Variants in NAALADL2 observed in about 807,000 individuals in gnomAD.
The protein encoded by NAALADL2 is N-acetylated alpha-linked acidic dipeptidase like 2.
Under a neutral mutation model 87.2 loss-of-function variants are expected in NAALADL2, and 76 were observed. That is an observed-to-expected ratio of 0.87 (90% CI 0.72 to 1.05). The LOEUF is 1.05. NAALADL2 is among the 50% of genes least tolerant of loss of function. NAALADL2 has a pLI of 0.00. For synonymous variants in NAALADL2, 354 were observed against 331.0 expected, an observed-to-expected ratio of 1.07 and a Z score of -0.75; for missense variants, 1,089 against 945.8, an observed-to-expected ratio of 1.15 and a Z score of -1.99.
At chr3:175,656,054 G>T (rs538169256) in intron 11 of NAALADL2, among the ~76,000 whole-genome samples, 2 of 152,104 alleles carry the variant, frequency 1.3e-5, no homozygotes, top group Non-Finnish European at 2.9e-5. Context: ...TTTGGCTAAC[G>T]TCTCAAAGCT....
At chr3:174,751,139 C>T (rs571964582) in intron 3 of NAALADL2, among the ~76,000 whole-genome samples, 10 of 151,806 alleles carry the variant, frequency 6.6e-5, no homozygotes, top group Non-Finnish European at 1.3e-4. Flanking sequence ...TGCCTTATTT[C>T]TGGTTTTGTT....
intron 2 of NAALADL2, among the ~76,000 whole-genome samples, chr3:174,652,702 C>T (rs1221010545): frequency 3.3e-5 from 5 of 152,084 alleles, no homozygotes; most frequent in East Asian, 1.9e-4. Context: ...GGGTGGGACA[C>T]AGCCAAACCA....
At chr3:175,772,109 G>A (rs904312536) in intron 13 of NAALADL2, among the ~76,000 whole-genome samples, 1 of 152,144 alleles carries the variant, frequency 6.6e-6, no homozygotes, top group African/African-American at 2.4e-5. Flanking sequence ...GACGCTTTTT[G>A]CAAATAAGGT....
chr3:175,564,337 G>A (rs973340899), intron 9 of NAALADL2, among the ~76,000 whole-genome samples: 1 of 151,948 alleles, frequency 6.6e-6, no homozygotes, highest in Admixed American at 6.6e-5. Context: ...TAAAAAATAC[G>A]TGATTTTTTT....
chr3:175,569,608 G>A (rs1466494213), intron 9 of NAALADL2, among the ~76,000 whole-genome samples: 4 of 151,972 alleles, frequency 2.6e-5, no homozygotes, highest in African/African-American at 9.7e-5. Flanking sequence ...AAAAAGAGAG[G>A]TAGATACAAG....
At chr3:175,730,421 T>TAG (rs1477668135) in intron 11 of NAALADL2, among the ~76,000 whole-genome samples, 1 of 113,844 alleles carries the variant, frequency 8.8e-6, no homozygotes, top group African/African-American at 3.4e-5. Flanking sequence ...TATATATATA[T>TAG]ATATATATAT....
At chr3:175,793,669 T>C (rs1470487500) in intron 13 of NAALADL2, among the ~76,000 whole-genome samples, 2 of 152,170 alleles carry the variant, frequency 1.3e-5, no homozygotes, top group African/African-American at 4.8e-5. Context: ...TGAAAAATTT[T>C]ATAAAACATA....
intron 10 of NAALADL2, among the ~76,000 whole-genome samples, chr3:175,597,525 A>G (rs1261775918): frequency 6.6e-6 from 1 of 151,992 alleles, no homozygotes; most frequent in African/African-American, 2.4e-5. Flanking sequence ...CTTTATCTAT[A>G]GAGTGAGAGT....
At chr3:175,243,879 G>T (rs189290703) in intron 3 of NAALADL2, among the ~76,000 whole-genome samples, 1 of 152,256 alleles carries the variant, frequency 6.6e-6, no homozygotes, top group Non-Finnish European at 1.5e-5. Flanking sequence ...AAGAGGGAAG[G>T]TAATTTTAAA....
intron 8 of NAALADL2, among the ~76,000 whole-genome samples, chr3:175,467,779 C>T (rs1248293682): frequency 6.6e-6 from 1 of 152,086 alleles, no homozygotes; most frequent in Non-Finnish European, 1.5e-5. Flanking sequence ...TGAAATCTAG[C>T]ATGCAATGAG....
At position 174,990,277 on chromosome 3, in the gene NAALADL2, G is replaced by A. The variant is rs1421545622; in HGVS notation, c.44-106513G>A. Among the ~76,000 whole-genome samples, 3 of 152,228 alleles carry A rather than the reference G, an allele frequency of 2.0e-5. No individual in the cohort carries two copies. In the East Asian group the frequency reaches 5.8e-4, roughly 29 times the overall value. ...TATTTTTGCTGTTTTATCTGATCATGTTGGCATGACTGACAGCTAGTCTGC... is the reference window on the plus strand; with the variant it reads ...TATTTTTGCTGTTTTATCTGATCATATTGGCATGACTGACAGCTAGTCTGC... On this transcript the variant is annotated intron_variant, in intron 1 of 13. Coordinates refer to ENST00000454872, the MANE Select transcript of NAALADL2 (RefSeq NM_207015.3).
At chr3:175,515,500 T>G (rs538528319) in intron 9 of NAALADL2, among the ~76,000 whole-genome samples, 2 of 151,102 alleles carry the variant, frequency 1.3e-5, no homozygotes, top group South Asian at 4.2e-4. Flanking sequence ...CTGAAAGGAG[T>G]AGTGTTCTGT....
intron 1 of NAALADL2, among the ~76,000 whole-genome samples, chr3:174,979,344 T>C (rs186826421): frequency 0.019 from 2,753 of 147,720 alleles, 93 homozygotes; most frequent in African/African-American, 0.066. Context: ...CTCGCTCTGT[T>C]GCCCAGGCTG....
At chr3:174,856,520 C>G (rs1725880317), upstream of NAALADL2, among the ~76,000 whole-genome samples, 2 of 152,124 alleles carry the variant, frequency 1.3e-5, no homozygotes, top group African/African-American at 4.8e-5. Context: ...TTTATTCACA[C>G]TGTAGGTGCC....
chr3:175,795,228 C>T (rs1753312216), intron 13 of NAALADL2, among the ~76,000 whole-genome samples: 1 of 152,152 alleles, frequency 6.6e-6, no homozygotes, highest in Admixed American at 6.5e-5. Context: ...GTGAAAATTC[C>T]ATCTGTCACT....
At chr3:175,765,563 A>G (rs1341423702) in intron 13 of NAALADL2, among the ~76,000 whole-genome samples, 3 of 152,148 alleles carry the variant, frequency 2.0e-5, no homozygotes, top group African/African-American at 7.2e-5. Flanking sequence ...GTCTGCTGGT[A>G]TCAAAATAGA....
At chr3:175,619,921 A>C (rs1725964514) in intron 10 of NAALADL2, among the ~76,000 whole-genome samples, 1 of 151,946 alleles carries the variant, frequency 6.6e-6, no homozygotes, top group African/African-American at 2.4e-5. Flanking sequence ...GCCAAACTGG[A>C]TTGGAAAAAA....
intron 5 of NAALADL2, among the ~76,000 whole-genome samples, chr3:175,378,698 A>G (rs1326680322): frequency 6.6e-6 from 1 of 152,168 alleles, no homozygotes; most frequent in Non-Finnish European, 1.5e-5. Flanking sequence ...ACAACTGGAA[A>G]GTGTTTCTGG....
At position 174,627,196 on chromosome 3, in the gene NAALADL2, A is replaced by G. The variant is rs553820870; in HGVS notation, c.-115+76559A>G. 2.2e-4 allele frequency among the ~76,000 whole-genome samples: 34 copies of G among 152,282 alleles called. No homozygotes were observed. The South Asian group carries it at 6.4e-3, about 29-fold the overall frequency. ...GGAGCAGTGAATAAATTATTTCAAG[A>G]AAGTCTGAAAAAAGTGTTCTCCTAA... On this transcript the variant is annotated intron_variant, in intron 2 of 3. Coordinates refer to the NAALADL2 transcript ENST00000434257.
Sources: allele counts gnomAD v4.1 joint callset (sites outside exome capture counted in the v4.1 genomes callset), GRCh38; gene constraint gnomAD v4.1.1; transcripts MANE v1.5; gene names NCBI Gene and HGNC (gene_info 2026-07-23, HGNC 2026-07-21).